The following FNDC3B variants were observed in gnomAD, a reference collection of about 807,000 sequenced individuals.
The protein encoded by FNDC3B is fibronectin type III domain-containing protein 3B.
A neutral mutation model predicts 151.5 loss-of-function variants in FNDC3B; 12 were observed. That is an observed-to-expected ratio of 0.08 (90% CI 0.05 to 0.13). The LOEUF (loss-of-function observed/expected upper bound fraction) is 0.13, where lower values mean the gene tolerates loss of function less well. Among genes scored for constraint, FNDC3B ranks in the 10% least tolerant of loss-of-function variants. The probability of loss-of-function intolerance (pLI) is 1.00; values close to 1 mark genes in which losing one functional copy is unlikely to be tolerated. For missense variants in FNDC3B, 1,214 were observed against 1,505.3 expected (o/e 0.81, Z 3.20); for synonymous variants, 528 against 549.0 (o/e 0.96, Z 0.54).
chr3:172,337,265 G>A, intron 15 of FNDC3B, 65 bp from the exon 16 acceptor site: 2 of 1,109,634 alleles, frequency 1.8e-6, no homozygotes, highest in Non-Finnish European at 2.7e-6. Context: ...TATGAGTCCT[G>A]ATGATGTTTA....
At chr3:172,389,858 G>A (rs907610524) in intron 25 of FNDC3B, among the ~76,000 whole-genome samples, 2 of 151,692 alleles carry the variant, frequency 1.3e-5, no homozygotes, top group Non-Finnish European at 2.9e-5. Context: ...AGCGAGACTC[G>A]GTCTCAAAAA....
At chr3:172,264,881 A>G (rs1049281942) in intron 6 of FNDC3B, among the ~76,000 whole-genome samples, 7 of 152,240 alleles carry the variant, frequency 4.6e-5, no homozygotes, top group African/African-American at 7.2e-5. Context: ...GCCCTTCTTT[A>G]ATAAGGGTGC....
intron 11 of FNDC3B, among the ~76,000 whole-genome samples, chr3:172,327,696 G>A (rs73167277): frequency 0.087 from 13,238 of 152,300 alleles, 784 homozygotes; most frequent in South Asian, 0.27. Context: ...GAGCCACCGC[G>A]CCCGGCCAGT....
intron 3 of FNDC3B, among the ~76,000 whole-genome samples, chr3:172,221,060 G>A (rs1242890120): frequency 6.6e-6 from 1 of 152,128 alleles, no homozygotes; most frequent in African/African-American, 2.4e-5. Flanking sequence ...TGTTATGATT[G>A]GAATTGTTTT....
chr3:172,359,306 A>T (rs1734258455), intron 22 of FNDC3B, among the ~76,000 whole-genome samples: 1 of 152,076 alleles, frequency 6.6e-6, no homozygotes, highest in South Asian at 2.1e-4. Flanking sequence ...ATCTTAAGGA[A>T]CTCATTACCT....
At chr3:172,041,187 C>T (rs550267208) in intron 1 of FNDC3B, among the ~76,000 whole-genome samples, 19 of 152,272 alleles carry the variant, frequency 1.2e-4, no homozygotes, top group Admixed American at 1.2e-3. Context: ...CCCCTCTTCC[C>T]TCCCAGGCTT....
At chr3:172,233,344 AAAC>A (rs917495189) in intron 4 of FNDC3B, among the ~76,000 whole-genome samples, 11 of 152,256 alleles carry the variant, frequency 7.2e-5, no homozygotes, top group African/African-American at 2.4e-4. Context: ...GTGAGAGCAG[AAAC>A]AACAAAAATA....
chr3:172,310,670 A>T (rs10936720), intron 10 of FNDC3B, among the ~76,000 whole-genome samples, 158 bp from the exon 11 acceptor site: 20,180 of 152,298 alleles, frequency 0.13, 1,655 homozygotes, highest in South Asian at 0.28. Context: ...AAGTTAGTGT[A>T]TGATGATGAT....
rs1037055453 is a variant in FNDC3B at position 172,058,276 on chromosome 3, T to A, written c.-29+18505T>A. 3.5e-5 allele frequency among the ~76,000 whole-genome samples: 5 copies of A among 144,710 alleles called. No homozygotes were observed. The South Asian group carries it at 1.1e-3, about 32-fold the overall frequency. The allele number at this position is 144,710 out of a possible 152,430, so 94.9% of individuals were successfully genotyped here. A position where few individuals can be genotyped will look rare whatever the true frequency, so the allele number is the denominator to read the frequency against. Reference sequence around the variant, plus strand: ...AAAATCTGTATATTCATTAGGGTAATCAATTACTTTGTGGTTTCAATAACA... The same window carrying A: ...AAAATCTGTATATTCATTAGGGTAAACAATTACTTTGTGGTTTCAATAACA... On this transcript the variant is annotated intron_variant, in intron 1 of 25. Transcript: ENST00000415807.
intron 14 of FNDC3B, among the ~76,000 whole-genome samples, chr3:172,334,673 C>T (rs1310069378): frequency 6.6e-6 from 1 of 152,194 alleles, no homozygotes; most frequent in Admixed American, 6.5e-5. Flanking sequence ...AACTCTTGAC[C>T]TCAGGTGATC....
chr3:172,104,277 C>G (rs1719518222), intron 1 of FNDC3B, among the ~76,000 whole-genome samples: 1 of 151,966 alleles, frequency 6.6e-6, no homozygotes, highest in African/African-American at 2.4e-5. Context: ...AAGGGCTAAT[C>G]TATAATATTG....
At position 172,381,112 on chromosome 3, in the gene FNDC3B, G is replaced by C; in HGVS notation, c.3303+19G>C. The C allele has an allele frequency of 6.2e-7, 1 of 1,612,348 alleles. No individual in the cohort carries two copies. Among genetic ancestry groups the C allele is most frequent in the Non-Finnish European group, 8.5e-7 (1 of 1,178,888 alleles). ...CAAACAGGTAAGAACCAGTGTGCAT[G>C]GCACATGTGCAACTGAGTATGGCTG... On this transcript the variant is annotated intron_variant, in intron 25 of 25. Coordinates refer to ENST00000415807, the MANE Select transcript of FNDC3B (RefSeq NM_022763.4).
At chr3:172,199,352 T>G (rs1576790689) in intron 3 of FNDC3B, among the ~76,000 whole-genome samples, 1 of 151,186 alleles carries the variant, frequency 6.6e-6, no homozygotes, top group South Asian at 2.1e-4. Context: ...GCTAATTTTT[T>G]GTATTTTTAG....
chr3:172,043,439 C>CA (rs1716192974), intron 1 of FNDC3B, among the ~76,000 whole-genome samples: 1 of 152,294 alleles, frequency 6.6e-6, no homozygotes, highest in Middle Eastern at 3.4e-3. Context: ...CTCCACCTCC[C>CA]AGGCTGAAGT....
intron 23 of FNDC3B, among the ~76,000 whole-genome samples, chr3:172,373,937 G>A (rs1386565089): frequency 6.6e-6 from 1 of 152,220 alleles, no homozygotes; most frequent in Admixed American, 6.5e-5. Context: ...GGAGGAGCAA[G>A]GGGAACCAGA....
intron 1 of FNDC3B, among the ~76,000 whole-genome samples, chr3:172,099,832 A>G (rs1443725388): frequency 1.3e-5 from 2 of 152,172 alleles, no homozygotes; most frequent in Admixed American, 6.5e-5. Flanking sequence ...TATAATAGAA[A>G]GTATAAAGGA....
intron 24 of FNDC3B, 43 bp downstream of exon 24, chr3:172,378,479 A>G (rs1735272044): frequency 6.6e-7 from 1 of 1,522,142 alleles, no homozygotes; most frequent in Non-Finnish European, 8.8e-7. Flanking sequence ...TGTGAGAGTA[A>G]GGAACTGTTG....
At chr3:172,370,486 T>C (rs1380157448) in intron 23 of FNDC3B, among the ~76,000 whole-genome samples, 2 of 152,254 alleles carry the variant, frequency 1.3e-5, no homozygotes, top group Non-Finnish European at 2.9e-5. Context: ...CAGAATCTGT[T>C]GTTTGCCTTT....
At chr3:172,378,875 G>C (rs1350969994) in intron 24 of FNDC3B, among the ~76,000 whole-genome samples, 2 of 152,140 alleles carry the variant, frequency 1.3e-5, no homozygotes, top group Non-Finnish European at 2.9e-5. Context: ...ACTGCCTTTG[G>C]AAAGCTGTAG....
Sources: allele counts gnomAD v4.1 joint callset (sites outside exome capture counted in the v4.1 genomes callset), GRCh38; gene constraint gnomAD v4.1.1; transcripts MANE v1.5; gene names NCBI Gene and HGNC (gene_info 2026-07-23, HGNC 2026-07-21).